The following PHF8 variants were observed in gnomAD, a reference collection of about 807,000 sequenced individuals.
PHF8 encodes histone lysine demethylase PHF8.
Under a neutral mutation model 74.4 loss-of-function variants are expected in PHF8, and 9 were observed. The observed-to-expected ratio is 0.12, with a 90% confidence interval of 0.07 to 0.21. PHF8 has a LOEUF of 0.21. Among genes scored for constraint, PHF8 ranks in the 10% least tolerant of loss-of-function variants. The pLI, the probability that PHF8 is intolerant of heterozygous loss-of-function variation, is 1.00. For missense variants in PHF8, 478 were observed against 816.6 expected (o/e 0.59, Z 5.05); for synonymous variants, 311 against 316.6 (o/e 0.98, Z 0.19).
At chrX:53,964,652 G>T (rs1474275877) in intron 18 of PHF8, among the ~76,000 whole-genome samples, 1 of 111,101 alleles carries the variant, frequency 9.0e-6, no homozygotes, top group Non-Finnish European at 1.9e-5. Flanking sequence ...GATCACCTGA[G>T]GTCATGAGTT....
chrX:54,046,183 A>G (rs1341732406), upstream of PHF8, among the ~76,000 whole-genome samples: 3 of 111,085 alleles, frequency 2.7e-5, no homozygotes. Context: ...CTGGTTTCAG[A>G]TCCTCTAAAA....
chrX:54,009,844 GAAAAA>G (rs782363250), intron 8 of PHF8, among the ~76,000 whole-genome samples: 10 of 9,381 alleles, frequency 1.1e-3, no homozygotes, highest in Non-Finnish European at 2.3e-3. Context: ...CTCTGTCTCA[GAAAAA>G]AAAAAAAAAA....
At chrX:53,979,095 T>C (rs2065435614) in intron 18 of PHF8, among the ~76,000 whole-genome samples, 1 of 111,293 alleles carries the variant, frequency 9.0e-6, no homozygotes, top group Non-Finnish European at 1.9e-5. Context: ...AAAATAAAAT[T>C]TCAGGCCAGG....
chrX:53,953,752 A>C (rs1288603886), intron 19 of PHF8, among the ~76,000 whole-genome samples: 1 of 110,900 alleles, frequency 9.0e-6, no homozygotes, highest in Non-Finnish European at 1.9e-5. Context: ...ATAGAAAACA[A>C]ATAGCAAAAT....
intron 17 of PHF8, among the ~76,000 whole-genome samples, 155 bp from the exon 18 acceptor site, chrX:53,985,382 G>C (rs918419536): frequency 3.6e-5 from 4 of 111,807 alleles, no homozygotes; most frequent in Non-Finnish European, 7.5e-5. Flanking sequence ...TTGGAATTAA[G>C]TTTAAGGATC....
intron 20 of PHF8, among the ~76,000 whole-genome samples, chrX:53,941,649 C>T (rs1444690194): frequency 8.9e-6 from 1 of 112,212 alleles, no homozygotes; most frequent in African/African-American, 3.2e-5. Context: ...CTCTTGGCAA[C>T]ACAAGCCTAA....
chrX:54,033,129 G>C (rs1163987127), intron 2 of PHF8, among the ~76,000 whole-genome samples: 15 of 111,220 alleles, frequency 1.3e-4, no homozygotes, highest in African/African-American at 4.3e-4. Context: ...CAGTCATGAA[G>C]TGGTACCCCC....
chrX:53,997,928 C>T (rs782619229), intron 11 of PHF8, among the ~76,000 whole-genome samples: 2 of 111,683 alleles, frequency 1.8e-5, no homozygotes, highest in Admixed American at 1.9e-4. Context: ...AGGTTGGCAA[C>T]AGGAACTAAG....
intron 19 of PHF8, among the ~76,000 whole-genome samples, chrX:53,948,609 T>G (rs1418601460): frequency 8.9e-6 from 1 of 111,761 alleles, no homozygotes; most frequent in Non-Finnish European, 1.9e-5. Context: ...GCAAAAACTA[T>G]AGATAGCCAG....
intron 19 of PHF8, among the ~76,000 whole-genome samples, chrX:53,957,074 C>T (rs782153452): frequency 7.2e-4 from 78 of 108,505 alleles, no homozygotes; most frequent in Non-Finnish European, 1.1e-3. Flanking sequence ...TGGCCAGGCG[C>T]GGTGGCTCAT....
chrX:53,956,520 T>C (rs2065015529), intron 19 of PHF8, among the ~76,000 whole-genome samples: 1 of 111,800 alleles, frequency 8.9e-6, no homozygotes, highest in African/African-American at 3.2e-5. Flanking sequence ...GATCAACACA[T>C]TAGATATTTA....
chrX:54,035,743 T>C (rs1487974106), intron 2 of PHF8, among the ~76,000 whole-genome samples: 1 of 111,110 alleles, frequency 9.0e-6, no homozygotes, highest in South Asian at 3.8e-4. Context: ...AATTTGAGGC[T>C]GCAGTAAACC....
intron 18 of PHF8, among the ~76,000 whole-genome samples, chrX:53,976,745 G>A (rs1030114336): frequency 7.6e-4 from 79 of 104,519 alleles, no homozygotes; most frequent in Admixed American, 1.3e-3. Flanking sequence ...AAAAAGAGAA[G>A]AAACAATTTA....
chrX:53,963,184 A>G (rs782209405), intron 18 of PHF8, among the ~76,000 whole-genome samples: 2 of 111,938 alleles, frequency 1.8e-5, no homozygotes, highest in South Asian at 3.7e-4. Context: ...CATTTAGTGA[A>G]TAACTTCATG....
chrX:54,006,856 T>G (rs186133149), intron 8 of PHF8, among the ~76,000 whole-genome samples: 98 of 106,707 alleles, frequency 9.2e-4, no homozygotes, highest in African/African-American at 3.2e-3. Flanking sequence ...GAGAATCGCT[T>G]GAACCCAGGA....
chrX:54,036,571 C>CAA (rs1160936317), intron 2 of PHF8, among the ~76,000 whole-genome samples: 105 of 6,100 alleles, frequency 0.017, 7 homozygotes, highest in Non-Finnish European at 0.021. Context: ...GACACTGTCT[C>CAA]AAAAAAAAAA....
rs1557101725 is a variant in PHF8, at chrX:53,992,758, C to A, written c.1708G>T (p.Ala570Ser). The A allele has an allele frequency of 8.4e-7, 1 of 1,190,559 alleles. No individual in the cohort carries two copies. Among genetic ancestry groups the A allele is most frequent in the East Asian group, 3.0e-5 (1 of 33,761 alleles). Residue 570 changes from alanine (A) to serine (S), a missense_variant, in exon 14 of 22, where the codon GCC (alanine) becomes TCC (serine). Ala to Ser is a moderately conservative substitution (Grantham distance 99). Transcript: ENST00000338154. ...CACCTGCCGTTAGACATCAATAGGG[C>A]CAATGGGCTCTCATTTCCATCAAGG... ...LDLDGNESPL[A>S]LLMSNGSTKR...
chrX:53,958,945 T>C (rs1377203139), intron 19 of PHF8, among the ~76,000 whole-genome samples: 1 of 110,481 alleles, frequency 9.1e-6, no homozygotes, highest in Non-Finnish European at 1.9e-5. Flanking sequence ...ATCAGAGATA[T>C]AAACATTTAC....
At position 53,940,364 on chromosome X, in the gene PHF8, G is replaced by A; in HGVS notation, c.2802C>T (p.Pro934=). ...CTTGTTTAGGCTCAGGAGGAGGCAG[G>A]GGTGAGGAGGAGGTGACAAGTTGTG... is the stretch of plus-strand genomic sequence containing the variant. ...ATPQLVTSSS[P]LPPPEPKQEA... Residue 934 remains proline (P), a synonymous_variant, in exon 21 of 22, where the codon CCC becomes CCT. Coordinates refer to ENST00000338154, the MANE Select transcript of PHF8 (RefSeq NM_015107.3). 2 of 1,210,118 alleles carry A rather than the reference G, an allele frequency of 1.7e-6. No homozygotes were observed. The highest frequency in any genetic ancestry group is 2.2e-6 in the Non-Finnish European group (2 of 894,718).
Sources: gnomAD v4.1 joint callset for allele counts (sites outside exome capture counted in the v4.1 genomes callset) on GRCh38, gnomAD v4.1.1 for gene constraint, MANE v1.5 for transcripts, NCBI Gene and HGNC (gene_info 2026-07-23, HGNC 2026-07-21) for gene names.